Variants in CRB1 observed in about 807,000 individuals in gnomAD.
The protein encoded by CRB1 is crumbs cell polarity complex component 1.
Under a neutral mutation model 120.0 loss-of-function variants are expected in CRB1, and 83 were observed. The ratio of observed to expected loss-of-function variants is 0.69; its 90% confidence interval spans 0.58 to 0.83. The LOEUF (loss-of-function observed/expected upper bound fraction) is 0.83, where lower values mean the gene tolerates loss of function less well. Ranked by LOEUF, CRB1 falls within the 40% of genes least tolerant of loss-of-function variation. The probability of loss-of-function intolerance (pLI) is 0.00; values close to 1 mark genes in which losing one functional copy is unlikely to be tolerated. For missense variants in CRB1, 1,699 were observed against 1,687.6 expected (o/e 1.01, Z -0.12); for synonymous variants, 625 against 612.5 (o/e 1.02, Z -0.30).
Position 197,435,986 on chromosome 1 carries a change from A to G in CRB1, c.3749+374A>G, listed in dbSNP as rs77462341. ...GGGAAGGCATGACTTCTATTGCTAA[A>G]ATAATGCCTTGAGCTATTTCAGGCA... On this transcript the variant is annotated intron_variant, in intron 9 of 11. Transcript: ENST00000367400. Among the ~76,000 whole-genome samples the G allele has an allele frequency of 4.3e-3, 651 of 152,260 alleles. 6 individuals are homozygous for G. Among genetic ancestry groups the G allele is most frequent in the African/African-American group, 0.015 (623 of 41,560 alleles).
chr1:197,298,830 A>G (rs1439578141), intron 1 of CRB1, among the ~76,000 whole-genome samples: 2 of 152,082 alleles, frequency 1.3e-5, no homozygotes, highest in Non-Finnish European at 2.9e-5. Context: ...GATATTGAAA[A>G]CATAGAGTTG....
At chr1:197,415,380 G>A (rs1409111724) in intron 5 of CRB1, among the ~76,000 whole-genome samples, 2 of 152,028 alleles carry the variant, frequency 1.3e-5, no homozygotes, top group East Asian at 3.9e-4. Context: ...CAACAATTAC[G>A]TATGACTCCC....
intron 4 of CRB1, among the ~76,000 whole-genome samples, chr1:197,348,638 G>A (rs898392288): frequency 2.0e-5 from 3 of 152,016 alleles, no homozygotes; most frequent in East Asian, 1.9e-4. Flanking sequence ...CACCATGCCC[G>A]GCTAATTTTT....
rs74577287 is a variant in CRB1, at chr1:197,367,356, G to T, written c.1171+10343G>T. Among the ~76,000 whole-genome samples the T allele has an allele frequency of 7.2e-4, 110 of 152,250 alleles. No individual in the cohort carries two copies. In the East Asian group the frequency reaches 0.02, roughly 28 times the overall value. On this transcript the variant is annotated intron_variant, in intron 5 of 11. Coordinates refer to ENST00000367400, the MANE Select transcript of CRB1 (RefSeq NM_201253.3). ...AGACAATATGATAACTGTCACAGTG[G>T]AGCCATAAAAAGGCACCATTAGATA...
chr1:197,367,415 C>A (rs978180362), intron 5 of CRB1, among the ~76,000 whole-genome samples: 1 of 152,056 alleles, frequency 6.6e-6, no homozygotes, highest in Non-Finnish European at 1.5e-5. Flanking sequence ...GCTGTTTATG[C>A]CAGATAGAAG....
In CRB1 at chr1:197,477,821, G is replaced by A. The variant is rs765740058; in HGVS notation, c.4163G>A (p.Gly1388Asp). The A allele has an allele frequency of 1.5e-5, 25 of 1,613,910 alleles. No individual in the cohort carries two copies. Among genetic ancestry groups the A allele is most frequent in the South Asian group, 3.3e-5 (3 of 91,072 alleles). ...TYSPSRQEKE[G>D]SRVEMWNLMP... is the part of the protein sequence containing the mutation. ...AGCCCCAGCCGTCAGGAGAAGGAGG[G>A]CTCCCGAGTGGAAATGTGGAACTTG... The change falls in exon 12 of 12, where the codon GGC becomes GAC. Residue 1388 changes from glycine (G) to aspartate (D), a missense_variant. By Grantham distance (94) the Gly-to-Asp change is moderately conservative. Coordinates refer to ENST00000367400, the MANE Select transcript of CRB1 (RefSeq NM_201253.3).
At chr1:197,465,905 G>T (rs1666729897) in intron 11 of CRB1, among the ~76,000 whole-genome samples, 1 of 152,208 alleles carries the variant, frequency 6.6e-6, no homozygotes, top group Admixed American at 6.5e-5. Context: ...AATAAGAATA[G>T]AGTAAATGGC....
At chr1:197,417,887 G>C (rs191523594) in intron 5 of CRB1, among the ~76,000 whole-genome samples, 102 of 152,274 alleles carry the variant, frequency 6.7e-4, no homozygotes, top group Middle Eastern at 6.8e-3. Context: ...AAGACAGCCT[G>C]AAGTTAGCCT....
chr1:197,358,247 T>G (rs1660589174), intron 5 of CRB1: 1 of 152,234 alleles, frequency 6.6e-6, no homozygotes, highest in Non-Finnish European at 1.5e-5. Flanking sequence ...ATTATTTGAT[T>G]TTGGTCTAGT....
At chr1:197,295,045 T>TA (rs1336985786) in intron 1 of CRB1, among the ~76,000 whole-genome samples, 2 of 152,108 alleles carry the variant, frequency 1.3e-5, no homozygotes, top group Admixed American at 6.6e-5. Context: ...CCCTAGAACT[T>TA]AGAGTATAAT....
rs747139495 is a variant in CRB1 at position 197,477,588 on chromosome 1, T to C, written c.4006-76T>C. The C allele has an allele frequency of 3.6e-6, 5 of 1,389,478 alleles. No homozygotes were observed. In the South Asian group the frequency reaches 5.9e-5, roughly 16 times the overall value. The allele number at this position is 1,389,478 out of a possible 1,614,324, so 86.1% of individuals were successfully genotyped here. A position where few individuals can be genotyped will look rare whatever the true frequency, so the allele number is the denominator to read the frequency against. On this transcript the variant is annotated intron_variant, in intron 11 of 11. Coordinates refer to ENST00000367400, the MANE Select transcript of CRB1 (RefSeq NM_201253.3). ...GCTTGCTCTGGTTGGTCTTCATTCCTGAGTAGTTCCATTGTCCTGAATATT... is the reference window on the plus strand; with the variant it reads ...GCTTGCTCTGGTTGGTCTTCATTCCCGAGTAGTTCCATTGTCCTGAATATT...
At chr1:197,444,647 T>C (rs1665613281) in intron 11 of CRB1, 1 of 152,228 alleles carries the variant, frequency 6.6e-6, no homozygotes, top group South Asian at 2.1e-4. Flanking sequence ...GATGCCTCTG[T>C]TGTCACTGTA....
intron 1 of CRB1, among the ~76,000 whole-genome samples, chr1:197,320,152 T>C (rs925607351): frequency 1.7e-4 from 26 of 152,256 alleles, no homozygotes; most frequent in Admixed American, 5.2e-4. Flanking sequence ...CTTAAAGATA[T>C]GCATTTCATA....
chr1:197,450,566 A>G (rs952236602), intron 11 of CRB1, among the ~76,000 whole-genome samples: 1 of 152,044 alleles, frequency 6.6e-6, no homozygotes, highest in South Asian at 2.1e-4. Flanking sequence ...GAAAGGGAAG[A>G]CTTAAGGAAA....
chr1:197,384,654 A>C (rs981563132), intron 5 of CRB1, among the ~76,000 whole-genome samples: 2 of 152,104 alleles, frequency 1.3e-5, no homozygotes, highest in African/African-American at 4.8e-5. Flanking sequence ...ATTGACAATA[A>C]AATGGCCAAA....
At chr1:197,425,289 T>A (rs1208583046) in intron 6 of CRB1, among the ~76,000 whole-genome samples, 1 of 152,214 alleles carries the variant, frequency 6.6e-6, no homozygotes, top group East Asian at 1.9e-4. Flanking sequence ...CTGGAGCAGG[T>A]GGTCTCCAAA....
chr1:197,346,043 C>T (rs1234988838), intron 3 of CRB1, among the ~76,000 whole-genome samples: 1 of 152,076 alleles, frequency 6.6e-6, no homozygotes, highest in Non-Finnish European at 1.5e-5. Context: ...TTCACTGTTT[C>T]CAGAAAGCAT....
chr1:197,447,714 T>C (rs1218772831), intron 11 of CRB1, among the ~76,000 whole-genome samples: 1 of 152,074 alleles, frequency 6.6e-6, no homozygotes, highest in African/African-American at 2.4e-5. Context: ...AAAATTAGTT[T>C]GGCATGTGCC....
At chr1:197,362,156 C>T (rs1660803399) in intron 5 of CRB1, among the ~76,000 whole-genome samples, 1 of 151,826 alleles carries the variant, frequency 6.6e-6, no homozygotes, top group Non-Finnish European at 1.5e-5. Context: ...TTTCTCTTGT[C>T]TTTCTGTTAT....
Sources: gnomAD v4.1 joint callset for allele counts (sites outside exome capture counted in the v4.1 genomes callset) on GRCh38, gnomAD v4.1.1 for gene constraint, MANE v1.5 for transcripts, NCBI Gene and HGNC (gene_info 2026-07-23, HGNC 2026-07-21) for gene names.